ACAP2: variants seen among roughly 807,000 people sequenced by gnomAD.
ACAP2 encodes the protein arf-GAP with coiled-coil, ANK repeat and PH domain-containing protein 2.
A neutral mutation model predicts 115.8 loss-of-function variants in ACAP2; 39 were observed. That is an observed-to-expected ratio of 0.34 (90% CI 0.26 to 0.44). The LOEUF (loss-of-function observed/expected upper bound fraction) is 0.44. Ranked by LOEUF, ACAP2 falls within the 20% of genes least tolerant of loss-of-function variation. ACAP2 has a pLI of 1.00. For missense variants in ACAP2, 662 were observed against 927.6 expected (o/e 0.71, Z 3.72); for synonymous variants, 289 against 315.8 (o/e 0.92, Z 0.90).
At chr3:195,304,376 G>C (rs1728283993) in intron 13 of ACAP2, among the ~76,000 whole-genome samples, 1 of 152,088 alleles carries the variant, frequency 6.6e-6, no homozygotes, top group African/African-American at 2.4e-5. Flanking sequence ...CACCAAATTA[G>C]AGAACTAAGT....
chr3:195,376,710 CAT>C lies in ACAP2; in HGVS notation c.285+4297_285+4298del, dbSNP rs775967144. Among the ~76,000 whole-genome samples the C allele has an allele frequency of 4.4e-4, 67 of 152,288 alleles. 1 individual carries two copies. Among genetic ancestry groups the C allele is most frequent in the Non-Finnish European group, 7.5e-4 (51 of 68,020 alleles). On this transcript the variant is annotated intron_variant, in intron 4 of 22. Transcript: ENST00000326793. ...AAATGACTGGACAATCTGACTCCAA[CAT>C]ATGTTTAATCTTTACGTGGCTAATA... is the stretch of plus-strand genomic sequence containing the variant.
At chr3:195,340,154 ACT>A (rs1730773672) in intron 6 of ACAP2, among the ~76,000 whole-genome samples, 1 of 151,254 alleles carries the variant, frequency 6.6e-6, no homozygotes, top group African/African-American at 2.4e-5. Flanking sequence ...AAACAGTAAG[ACT>A]TAGGGCTGCA....
At chr3:195,352,427 C>T (rs1192802174) in intron 4 of ACAP2, among the ~76,000 whole-genome samples, 1 of 152,128 alleles carries the variant, frequency 6.6e-6, no homozygotes, top group Non-Finnish European at 1.5e-5. Flanking sequence ...TTAAATATTT[C>T]CTTATTTTCT....
chr3:195,362,177 G>T (rs573231328), intron 4 of ACAP2, among the ~76,000 whole-genome samples: 1 of 152,028 alleles, frequency 6.6e-6, no homozygotes. Flanking sequence ...TTAGCCAGGC[G>T]TGGTGGCACT....
Position 195,441,000 on chromosome 3 carries a change from C to T in ACAP2, c.53+1795G>A, listed in dbSNP as rs187642161. Among the ~76,000 whole-genome samples, 921 of 152,114 alleles carry T rather than the reference C, an allele frequency of 6.1e-3. 9 individuals carry two copies. The highest frequency in any genetic ancestry group is 0.021 in the African/African-American group (878 of 41,510). The stretch of plus-strand genomic sequence containing the variant: ...TAACAAAAGTTCACTATAATATTCC[C>T]TACAACTTAATCAGTATGTTGCCCT... On this transcript the variant is annotated intron_variant, in intron 1 of 22. Coordinates refer to ENST00000326793, the MANE Select transcript of ACAP2 (RefSeq NM_012287.6).
intron 9 of ACAP2, among the ~76,000 whole-genome samples, chr3:195,321,468 T>C (rs77508189): frequency 0.035 from 5,363 of 151,482 alleles, 164 homozygotes; most frequent in East Asian, 0.11. Context: ...TCTGCCTCAG[T>C]CTCCCAAAGT....
intron 10 of ACAP2, among the ~76,000 whole-genome samples, chr3:195,318,658 A>G (rs551319976): frequency 6.6e-6 from 1 of 152,374 alleles, no homozygotes; most frequent in South Asian, 2.1e-4. Context: ...AACATTCAAG[A>G]GGTGACTTGG....
intron 1 of ACAP2, among the ~76,000 whole-genome samples, chr3:195,408,750 C>A (rs920916887): frequency 2.6e-5 from 4 of 152,034 alleles, no homozygotes; most frequent in African/African-American, 9.7e-5. Context: ...GATTATACAC[C>A]ATGACCTAGT....
intron 2 of ACAP2, 81 bp downstream of exon 2, chr3:195,392,009 G>A: frequency 8.9e-7 from 1 of 1,126,400 alleles, no homozygotes; most frequent in Non-Finnish European, 1.3e-6. Flanking sequence ...AAATAAAAAA[G>A]AGACCTACTA....
intron 1 of ACAP2, among the ~76,000 whole-genome samples, chr3:195,435,300 G>A (rs1361147771): frequency 2.0e-5 from 3 of 150,054 alleles, no homozygotes; most frequent in Non-Finnish European, 4.4e-5. Context: ...TCAGCCTCCC[G>A]AGTAGCTGGG....
chr3:195,293,517 C>T (rs1372684490), intron 18 of ACAP2, among the ~76,000 whole-genome samples: 1 of 152,220 alleles, frequency 6.6e-6, no homozygotes, highest in Non-Finnish European at 1.5e-5. Context: ...TGGTAAGGCA[C>T]TTTTAGCACA....
At position 195,292,364 on chromosome 3, in the gene ACAP2, G is replaced by A. The variant is rs1560207186; in HGVS notation, c.1854C>T (p.Asn618=). 6.2e-7 allele frequency: 1 copy of A among 1,614,034 alleles called. No individual in the cohort carries two copies. Among genetic ancestry groups the A allele is most frequent in the African/African-American group, 1.3e-5 (1 of 75,022 alleles). Reference sequence around the variant, plus strand: ...CCAAAGCCTCAGCCATTTTAGGAAGGTTTTTTTCATATGACGCCCTATAAA... The same window carrying A: ...CCAAAGCCTCAGCCATTTTAGGAAGATTTTTTTCATATGACGCCCTATAAA... ...LQLYRASYEK[N]LPKMAEALAH... is the part of the protein sequence containing the mutation. The change falls in exon 19 of 23, where the codon AAC becomes AAT. Residue 618 remains asparagine, a synonymous_variant. Transcript: ENST00000326793.
chr3:195,355,052 C>T (rs183426376), intron 4 of ACAP2, among the ~76,000 whole-genome samples: 11 of 152,200 alleles, frequency 7.2e-5, no homozygotes, highest in Admixed American at 2.6e-4. Flanking sequence ...TTACCAGAGA[C>T]GGGGTTTCGC....
At chr3:195,302,560 T>TC (rs1221850668) in intron 13 of ACAP2, among the ~76,000 whole-genome samples, 3 of 152,130 alleles carry the variant, frequency 2.0e-5, no homozygotes, top group African/African-American at 7.2e-5. Flanking sequence ...TCCAAGGCGT[T>TC]CAATAAACTT....
At chr3:195,392,721 G>A (rs1228367086) in intron 1 of ACAP2, among the ~76,000 whole-genome samples, 1 of 152,082 alleles carries the variant, frequency 6.6e-6, no homozygotes, top group African/African-American at 2.4e-5. Flanking sequence ...GCCAAATATT[G>A]TCTTATTGAC....
intron 1 of ACAP2, among the ~76,000 whole-genome samples, chr3:195,400,843 G>C (rs568487501): frequency 6.6e-6 from 1 of 152,270 alleles, no homozygotes; most frequent in Admixed American, 6.5e-5. Context: ...CCCTCAATGA[G>C]AGAACAAAGC....
intron 1 of ACAP2, among the ~76,000 whole-genome samples, chr3:195,395,480 A>T (rs970390755): frequency 1.3e-5 from 2 of 152,236 alleles, no homozygotes; most frequent in Admixed American, 6.5e-5. Context: ...TAGTTCTTAC[A>T]TTTTTAAGTG....
At chr3:195,346,568 C>T (rs561489211) in intron 4 of ACAP2, among the ~76,000 whole-genome samples, 38 of 152,266 alleles carry the variant, frequency 2.5e-4, no homozygotes, top group African/African-American at 9.1e-4. Context: ...AACTGATACC[C>T]TGAACACAGC....
At chr3:195,434,704 C>A (rs572306097) in intron 1 of ACAP2, among the ~76,000 whole-genome samples, 4 of 152,128 alleles carry the variant, frequency 2.6e-5, no homozygotes, top group Admixed American at 6.5e-5. Flanking sequence ...TAGAATTCAC[C>A]AGTGAAGTCA....
Sources: gnomAD v4.1 joint callset for allele counts (sites outside exome capture counted in the v4.1 genomes callset) on GRCh38, gnomAD v4.1.1 for gene constraint, MANE v1.5 for transcripts, NCBI Gene and HGNC (gene_info 2026-07-23, HGNC 2026-07-21) for gene names.